The following CHRM3 variants were observed in gnomAD, a reference collection of about 807,000 sequenced individuals.
CHRM3 encodes the protein muscarinic acetylcholine receptor M3.
A neutral mutation model predicts 41.8 loss-of-function variants in CHRM3; 11 were observed. The observed-to-expected ratio is 0.26, with a 90% CI of 0.17 to 0.44. The LOEUF is 0.44. CHRM3 is among the 20% of genes least tolerant of loss of function. The pLI, the probability that CHRM3 is intolerant of heterozygous loss-of-function variation, is 1.00. For missense variants in CHRM3, 571 were observed against 745.4 expected, an observed-to-expected ratio of 0.77 and a Z score of 2.72; for synonymous variants, 297 against 301.4, an observed-to-expected ratio of 0.99 and a Z score of 0.15.
At chr1:239,873,643 A>G (rs1676785959) in intron 6 of CHRM3, among the ~76,000 whole-genome samples, 1 of 152,116 alleles carries the variant, frequency 6.6e-6, no homozygotes, top group South Asian at 2.1e-4. Context: ...TGTCTGTTGA[A>G]AAACCTTTAG....
intron 1 of CHRM3, among the ~76,000 whole-genome samples, chr1:239,439,193 A>G (rs1663509744): frequency 6.6e-6 from 1 of 152,134 alleles, no homozygotes; most frequent in South Asian, 2.1e-4. Flanking sequence ...GGTCAGTAAA[A>G]ATACTTTGAA....
At chr1:239,676,729 AG>A (rs1658039106) in intron 4 of CHRM3, among the ~76,000 whole-genome samples, 1 of 152,298 alleles carries the variant, frequency 6.6e-6, no homozygotes, top group Middle Eastern at 3.4e-3. Flanking sequence ...AGCACATGGT[AG>A]GGGTGAACTT....
At chr1:239,507,736 A>G (rs1035484880) in intron 2 of CHRM3, among the ~76,000 whole-genome samples, 2 of 152,192 alleles carry the variant, frequency 1.3e-5, no homozygotes, top group Non-Finnish European at 2.9e-5. Context: ...TTATTTTTGT[A>G]TATCAAGCAG....
At chr1:239,841,439 G>A (rs1030783290) in intron 6 of CHRM3, among the ~76,000 whole-genome samples, 3 of 152,030 alleles carry the variant, frequency 2.0e-5, no homozygotes, top group South Asian at 2.1e-4. Context: ...GTGCAGATTC[G>A]CAACTTTCAG....
intron 6 of CHRM3, among the ~76,000 whole-genome samples, chr1:239,827,610 G>C (rs1392713488): frequency 6.6e-6 from 1 of 152,136 alleles, no homozygotes; most frequent in African/African-American, 2.4e-5. Context: ...AAAAGGTTTA[G>C]ACTAGTACCT....
Position 239,864,624 on chromosome 1 carries a change from G to A in CHRM3, c.-20+37246G>A, listed in dbSNP as rs567451293. Among the ~76,000 whole-genome samples the A allele has an allele frequency of 1.6e-4, 24 of 151,800 alleles. No homozygotes were observed. The South Asian group carries it at 1.7e-3, about 11-fold the overall frequency. On this transcript the variant is annotated intron_variant, in intron 6 of 6. Coordinates refer to ENST00000676153, the MANE Select transcript of CHRM3 (RefSeq NM_001375978.1). Reference sequence around the variant, plus strand: ...ACATTTTAACCCTCAAACTAGCATCGGGCCTAAAGGGGAGTGACTAGAAAC... The same window carrying A: ...ACATTTTAACCCTCAAACTAGCATCAGGCCTAAAGGGGAGTGACTAGAAAC...
In CHRM3 at chr1:239,790,349, C is replaced by G. The variant is rs1315790471; in HGVS notation, c.-146-36903C>G. 2.0e-5 allele frequency among the ~76,000 whole-genome samples: 3 copies of G among 152,082 alleles called. No homozygotes were observed. The East Asian group carries it at 5.8e-4, about 29-fold the overall frequency. Reference sequence around the variant, plus strand: ...TTCTCACCTTGAATTGTAGTAATACCCACACGTCAAGAGTAGGACCAGGTG... The same window carrying G: ...TTCTCACCTTGAATTGTAGTAATACGCACACGTCAAGAGTAGGACCAGGTG... On this transcript the variant is annotated intron_variant, in intron 5 of 6. Transcript: ENST00000676153.
chr1:239,560,566 CT>C (rs553965682), intron 3 of CHRM3, among the ~76,000 whole-genome samples: 12 of 152,198 alleles, frequency 7.9e-5, no homozygotes, highest in Admixed American at 2.6e-4. Flanking sequence ...CTAAAATATA[CT>C]TCCAAGGATA....
At chr1:239,774,232 G>C (rs774376249) in intron 5 of CHRM3, among the ~76,000 whole-genome samples, 6 of 152,042 alleles carry the variant, frequency 3.9e-5, no homozygotes, top group African/African-American at 1.2e-4. Context: ...CTTGAGTTTC[G>C]GTCTCTATTC....
chr1:239,634,441 CAG>C (rs1038087038), intron 4 of CHRM3, among the ~76,000 whole-genome samples: 6 of 144,134 alleles, frequency 4.2e-5, no homozygotes, highest in African/African-American at 1.6e-4. Flanking sequence ...AAAAAAAGAA[CAG>C]AAAAGAAAAA....
intron 5 of CHRM3, among the ~76,000 whole-genome samples, chr1:239,818,171 A>G (rs887329154): frequency 1.3e-5 from 2 of 152,154 alleles, no homozygotes; most frequent in African/African-American, 4.8e-5. Context: ...TGGCCGCCTT[A>G]TCACTGGGTC....
chr1:239,510,954 T>C (rs1030529927), intron 2 of CHRM3, among the ~76,000 whole-genome samples: 2 of 152,142 alleles, frequency 1.3e-5, no homozygotes, highest in African/African-American at 4.8e-5. Context: ...CAAGATAGAA[T>C]AGTCTAAAAG....
intron 5 of CHRM3, among the ~76,000 whole-genome samples, chr1:239,790,341 A>G (rs951459767): frequency 2.6e-5 from 4 of 152,212 alleles, no homozygotes; most frequent in East Asian, 1.9e-4. Context: ...CTTGAATTGT[A>G]GTAATACCCA....
rs150485361 is a variant in CHRM3 at position 239,540,011 on chromosome 1, G to A, written c.-421-5630G>A. ...ACAGCCGCCCACAGTATTCAGTACA[G>A]TAATGTGCTGTATAGAAAGCCTAGG... is the stretch of plus-strand genomic sequence containing the variant. On this transcript the variant is annotated intron_variant, in intron 2 of 6. Coordinates refer to ENST00000676153, the MANE Select transcript of CHRM3 (RefSeq NM_001375978.1). Among the ~76,000 whole-genome samples, 446 of 152,276 alleles carry A rather than the reference G, an allele frequency of 2.9e-3. 2 individuals are homozygous for A. The highest frequency in any genetic ancestry group is 3.5e-3 in the Non-Finnish European group (239 of 68,034).
At chr1:239,874,326 T>TATATATAC (rs1327295792) in intron 6 of CHRM3, among the ~76,000 whole-genome samples, 1,847 of 121,780 alleles carry the variant, frequency 0.015, 27 homozygotes, top group Middle Eastern at 0.042. Context: ...TATATATATA[T>TATATATAC]ACACAGTTGA....
rs1667019367 is a variant in CHRM3 at position 239,611,416 on chromosome 1, C to CTTGTTTT, written c.-312-20806_-312-20805insGTTTTTT. Among the ~76,000 whole-genome samples the CTTGTTTT allele has an allele frequency of 4.2e-5, 4 of 96,238 alleles. No individual in the cohort carries two copies. In the South Asian group the frequency reaches 1.6e-3, roughly 38 times the overall value. 63.1% of individuals were successfully genotyped at this position (96,238 alleles called of 152,430 possible). On this transcript the variant is annotated intron_variant, in intron 3 of 6. Transcript: ENST00000676153. ...GACCAAATCCAAGGTTTGCAAGTGA[C>CTTGTTTT]TTTTTTTTTTTTTTTTTTTTTTTGA... is the stretch of plus-strand genomic sequence containing the variant.
chr1:239,828,045 A>G (rs1266313591), intron 6 of CHRM3, among the ~76,000 whole-genome samples: 1 of 152,292 alleles, frequency 6.6e-6, no homozygotes, highest in African/African-American at 2.4e-5. Context: ...AACACCTACT[A>G]CGTTCTAGAT....
intron 6 of CHRM3, among the ~76,000 whole-genome samples, chr1:239,861,148 C>A (rs1675606770): frequency 6.6e-6 from 1 of 151,968 alleles, no homozygotes; most frequent in South Asian, 2.1e-4. Context: ...TCCTGTTAGA[C>A]CCTAGGGATT....
At chr1:239,394,319 A>G (rs1659297520) in intron 1 of CHRM3, among the ~76,000 whole-genome samples, 1 of 152,092 alleles carries the variant, frequency 6.6e-6, no homozygotes, top group Non-Finnish European at 1.5e-5. Context: ...TTGACTTGTG[A>G]GCATATCATT....
Sources: gnomAD v4.1 joint callset for allele counts (sites outside exome capture counted in the v4.1 genomes callset) on GRCh38, gnomAD v4.1.1 for gene constraint, MANE v1.5 for transcripts, NCBI Gene and HGNC (gene_info 2026-07-23, HGNC 2026-07-21) for gene names.